WDR20: variants seen among roughly 807,000 people sequenced by gnomAD.
WDR20 encodes the protein WD repeat domain 20.
A neutral mutation model predicts 38.7 loss-of-function variants in WDR20; 3 were observed. That is an observed-to-expected ratio of 0.08 (90% CI 0.04 to 0.20). The LOEUF is 0.20. WDR20 is among the 10% of genes least tolerant of loss of function. The probability of loss-of-function intolerance (pLI) is 1.00; values close to 1 mark genes in which losing one functional copy is unlikely to be tolerated. For missense variants in WDR20, 559 were observed against 727.7 expected, an observed-to-expected ratio of 0.77 and a Z score of 2.67; for synonymous variants, 298 against 285.6, an observed-to-expected ratio of 1.04 and a Z score of -0.44.
intron 2 of WDR20, among the ~76,000 whole-genome samples, chr14:102,198,580 A>T (rs1466571618): frequency 6.6e-6 from 1 of 152,242 alleles, no homozygotes; most frequent in Non-Finnish European, 1.5e-5. Flanking sequence ...GAGCCCAAGG[A>T]AACTGAAAGA....
exon 4 of WDR20, chr14:102,223,238 C>A (rs7152124): frequency 2.6e-5 from 4 of 155,488 alleles, no homozygotes; most frequent in Admixed American, 1.3e-4. Flanking sequence ...CCCTGAAATT[C>A]AGCTGTTATA....
intron 1 of WDR20, chr14:102,193,373 C>T (rs1230786366): frequency 1.2e-5 from 17 of 1,372,240 alleles, no homozygotes; most frequent in Non-Finnish European, 1.5e-5. Context: ...CTCCTCGCTC[C>T]AGTCAGGACT....
chr14:102,212,333 G>A (rs867748032), downstream of WDR20, among the ~76,000 whole-genome samples: 4 of 152,162 alleles, frequency 2.6e-5, no homozygotes, highest in Middle Eastern at 0.014. Flanking sequence ...TTGTGTCTAC[G>A]TGCCCTCCCC....
intron 1 of WDR20, among the ~76,000 whole-genome samples, chr14:102,141,102 G>T (rs775899755): frequency 6.6e-6 from 1 of 152,226 alleles, no homozygotes; most frequent in Admixed American, 6.5e-5. Context: ...TCTTTCATTG[G>T]CTATGTAACT....
chr14:102,141,843 A>G (rs2051324246), intron 1 of WDR20, among the ~76,000 whole-genome samples: 1 of 152,176 alleles, frequency 6.6e-6, no homozygotes, highest in Non-Finnish European at 1.5e-5. Context: ...ATTTATATTT[A>G]TATAAAAATA....
At chr14:102,215,186 C>T (rs1300050180), downstream of WDR20, among the ~76,000 whole-genome samples, 2 of 152,242 alleles carry the variant, frequency 1.3e-5, no homozygotes, top group Non-Finnish European at 1.5e-5. Flanking sequence ...GCAGCGTACT[C>T]GATGAAATGT....
chr14:102,179,657 C>T (rs1020411888), intron 1 of WDR20, among the ~76,000 whole-genome samples: 2 of 152,148 alleles, frequency 1.3e-5, no homozygotes, highest in African/African-American at 2.4e-5. Context: ...AGTAATTTTA[C>T]TGGTTTAACT....
chr14:102,214,347 C>G, downstream of WDR20: 1 of 985,426 alleles, frequency 1.0e-6, no homozygotes, highest in Non-Finnish European at 1.2e-6. Flanking sequence ...CAAGTGATGT[C>G]CCAAAGGGAG....
At chr14:102,146,876 A>C (rs1334419459) in intron 1 of WDR20, among the ~76,000 whole-genome samples, 1 of 152,164 alleles carries the variant, frequency 6.6e-6, no homozygotes, top group Non-Finnish European at 1.5e-5. Flanking sequence ...TATTAGATTT[A>C]CTTTGAGAAA....
chr14:102,186,841 TC>T (rs1170785583), intron 1 of WDR20, among the ~76,000 whole-genome samples: 2 of 151,836 alleles, frequency 1.3e-5, no homozygotes, highest in African/African-American at 4.8e-5. Context: ...TCCCAGCTAC[TC>T]GGGAGGCTGA....
At chr14:102,212,664 G>C, downstream of WDR20, 1 of 1,525,870 alleles carries the variant, frequency 6.6e-7, no homozygotes, top group Non-Finnish European at 8.8e-7. Flanking sequence ...TCTGAGTAAT[G>C]GCTCCCGCAG....
intron 1 of WDR20, among the ~76,000 whole-genome samples, chr14:102,173,436 T>A (rs1281858387): frequency 1.2e-3 from 1 of 838 alleles, no homozygotes; most frequent in African/African-American, 2.8e-3. Context: ...TTTTTAAAAT[T>A]ATTATTATTA....
At chr14:102,198,261 TG>T (rs1182143135) in intron 2 of WDR20, 1 of 324,564 alleles carries the variant, frequency 3.1e-6, no homozygotes, top group South Asian at 2.3e-5. Context: ...CCCAAGTACC[TG>T]GGATTATAGG....
intron 2 of WDR20, among the ~76,000 whole-genome samples, chr14:102,200,493 G>T: frequency 2.2e-5 from 3 of 134,754 alleles, no homozygotes; most frequent in Non-Finnish European, 4.7e-5. Flanking sequence ...GTGTGTGTGT[G>T]TGTGTGTGTG....
At chr14:102,182,625 C>T (rs1447412152) in intron 1 of WDR20, among the ~76,000 whole-genome samples, 2 of 152,026 alleles carry the variant, frequency 1.3e-5, no homozygotes, top group Non-Finnish European at 2.9e-5. Context: ...TAATACCAAG[C>T]AATGACATGC....
intron 2 of WDR20, among the ~76,000 whole-genome samples, chr14:102,198,903 G>A (rs1296152301): frequency 5.3e-5 from 8 of 152,186 alleles, no homozygotes; most frequent in African/African-American, 1.7e-4. Flanking sequence ...TGCTAAGTTC[G>A]AGAGACCTGT....
chr14:102,148,694 TGTGTGTGTG>T (rs2054597467), intron 1 of WDR20, among the ~76,000 whole-genome samples: 2 of 151,308 alleles, frequency 1.3e-5, no homozygotes, highest in South Asian at 2.1e-4. Context: ...TGTGTGTGTG[TGTGTGTGTG>T]TGTGTTTGGA....
downstream of WDR20, chr14:102,212,402 G>A (rs1375922892): frequency 8.9e-7 from 1 of 1,124,088 alleles, no homozygotes; most frequent in African/African-American, 1.5e-5. Flanking sequence ...CCTGGGGAGG[G>A]GCTGCCTTTG....
At chr14:102,162,630 G>A (rs946959409) in intron 1 of WDR20, among the ~76,000 whole-genome samples, 7 of 148,654 alleles carry the variant, frequency 4.7e-5, no homozygotes, top group Admixed American at 1.3e-4. Flanking sequence ...ACGCTCTCTC[G>A]CCCTCTCACA....
Sources: allele counts gnomAD v4.1 joint callset (sites outside exome capture counted in the v4.1 genomes callset), GRCh38; gene constraint gnomAD v4.1.1; transcripts MANE v1.5; gene names NCBI Gene and HGNC (gene_info 2026-07-23, HGNC 2026-07-21).